The following CSF2RA variants were observed in gnomAD, a reference collection of about 807,000 sequenced individuals.
CSF2RA encodes the protein colony stimulating factor 2 receptor subunit alpha.
Under a neutral mutation model 51.6 loss-of-function variants are expected in CSF2RA, and 42 were observed. The ratio of observed to expected loss-of-function variants is 0.81; its 90% confidence interval spans 0.64 to 1.05. The LOEUF (loss-of-function observed/expected upper bound fraction) is 1.05, where lower values mean the gene tolerates loss of function less well. Ranked by LOEUF, CSF2RA falls within the 50% of genes least tolerant of loss-of-function variation. The pLI, the probability that CSF2RA is intolerant of heterozygous loss-of-function variation, is 0.00. For missense variants in CSF2RA, 530 were observed against 501.1 expected (o/e 1.06, Z -0.55); for synonymous variants, 222 against 193.0 (o/e 1.15, Z -1.24).
At chrX:1,280,742 C>T (rs1246251628) in intron 2 of CSF2RA, among the ~76,000 whole-genome samples, 1 of 150,494 alleles carries the variant, frequency 6.6e-6, no homozygotes, top group African/African-American at 2.4e-5. Context: ...TCCTCCTTCT[C>T]CTCCTCCTTT....
intron 2 of CSF2RA, among the ~76,000 whole-genome samples, chrX:1,279,515 C>G (rs111282553): frequency 0.028 from 4,249 of 151,922 alleles, 98 homozygotes; most frequent in Non-Finnish European, 0.044. Context: ...AGGTCAGGCC[C>G]ACCCAGACAG....
chrX:1,314,876 C>A (rs867760938), downstream of CSF2RA, among the ~76,000 whole-genome samples: 24 of 69,310 alleles, frequency 3.5e-4, 1 homozygote, highest in African/African-American at 7.7e-4. Context: ...AACCGCACTG[C>A]ACCTGCCCAA....
chrX:1,301,955 T>C (rs1461342885), intron 10 of CSF2RA, among the ~76,000 whole-genome samples: 3 of 137,520 alleles, frequency 2.2e-5, no homozygotes, highest in Non-Finnish European at 4.6e-5. Flanking sequence ...TCGCTCTTGT[T>C]GCCCAGGCTG....
At chrX:1,296,270 C>T (rs1367259615) in intron 9 of CSF2RA, among the ~76,000 whole-genome samples, 3 of 149,902 alleles carry the variant, frequency 2.0e-5, no homozygotes, top group Non-Finnish European at 4.5e-5. Context: ...ACCCTACAGT[C>T]TCCTACCCAT....
Position 1,278,532 on chromosome X carries a change from C to T in CSF2RA, c.-27+3714C>T, listed in dbSNP as rs1471246637. ...TGAAACCCCATCTCTACTAAAAATA[C>T]AAAAATTAGCCAGGCGTGTTGGTGC... On this transcript the variant is annotated intron_variant, in intron 2 of 12. Transcript: ENST00000381529. Among the ~76,000 whole-genome samples, 114 of 134,704 alleles carry T rather than the reference C, an allele frequency of 8.5e-4. No individual in the cohort carries two copies. The Middle Eastern group carries it at 0.029, about 34-fold the overall frequency. 88.4% of individuals were successfully genotyped at this position (134,704 alleles called of 152,430 possible).
intron 1 of CSF2RA, among the ~76,000 whole-genome samples, chrX:1,271,516 T>C (rs2088423339): frequency 8.2e-6 from 1 of 122,302 alleles, no homozygotes; most frequent in African/African-American, 2.5e-5. Context: ...ATTTTTGAAT[T>C]TATTTATTTA....
In CSF2RA at chrX:1,304,325, G is replaced by A. The variant is rs1433923342; in HGVS notation, c.1043+306G>A. ...TGAGGCAGGAGAATCGCTTGAACCC[G>A]GGAGGTGGAGGTTGCAGTGAGCCGA... On this transcript the variant is annotated intron_variant, in intron 11 of 12. Transcript: ENST00000381529. Among the ~76,000 whole-genome samples, 26 of 97,190 alleles carry A rather than the reference G, an allele frequency of 2.7e-4. 3 individuals carry two copies. In the South Asian group the frequency reaches 3.5e-3, roughly 13 times the overall value. The allele number at this position is 97,190 out of a possible 152,430, so 63.8% of individuals were successfully genotyped here.
intron 1 of CSF2RA, among the ~76,000 whole-genome samples, chrX:1,272,410 G>A (rs1363606746): frequency 4.0e-5 from 6 of 151,842 alleles, no homozygotes; most frequent in African/African-American, 2.4e-5. Context: ...GGGTTGGGGG[G>A]AAAGAGGAAT....
At chrX:1,314,838 C>T (rs1440441953), downstream of CSF2RA, among the ~76,000 whole-genome samples, 31 of 98,868 alleles carry the variant, frequency 3.1e-4, no homozygotes, top group African/African-American at 4.0e-4. Context: ...AACCGCACTG[C>T]ACCTGCCCAA....
intron 12 of CSF2RA, 141 bp downstream of exon 12, chrX:1,305,668 A>G (rs746753247): frequency 2.5e-6 from 4 of 1,597,482 alleles, no homozygotes; most frequent in Non-Finnish European, 3.4e-6. Flanking sequence ...TGGAATCTGT[A>G]TCCCACTCCT....
intron 7 of CSF2RA, 77 bp downstream of exon 7, chrX:1,290,586 C>T: frequency 7.1e-7 from 1 of 1,413,404 alleles, no homozygotes; most frequent in Admixed American, 1.7e-5. Context: ...TAACTGAGGC[C>T]ACGTGCGGTG....
At chrX:1,278,558 G>A (rs1336274460) in intron 2 of CSF2RA, among the ~76,000 whole-genome samples, 3 of 142,688 alleles carry the variant, frequency 2.1e-5, no homozygotes, top group African/African-American at 2.6e-5. Flanking sequence ...GTGTTGGTGC[G>A]TGCCTGTAGT....
intron 8 of CSF2RA, 130 bp from the exon 9 acceptor site, chrX:1,295,297 A>G: frequency 1.8e-6 from 2 of 1,137,336 alleles, no homozygotes; most frequent in Non-Finnish European, 2.7e-6. Context: ...GTGGAGGGAG[A>G]CCTGCCTGCC....
At chrX:1,289,866 T>G (rs2091194267) in intron 6 of CSF2RA, among the ~76,000 whole-genome samples, 1 of 146,612 alleles carries the variant, frequency 6.8e-6, no homozygotes, top group Non-Finnish European at 1.5e-5. Flanking sequence ...GTTTTTGTTT[T>G]GTGTTTTGTG....
intron 1 of CSF2RA, among the ~76,000 whole-genome samples, chrX:1,269,492 AGG>A (rs1172963529): frequency 2.6e-5 from 4 of 151,848 alleles, no homozygotes; most frequent in Non-Finnish European, 4.4e-5. Flanking sequence ...TGGTGGTGGC[AGG>A]CACCTGTAAT....
At chrX:1,281,190 CT>C (rs2148208235) in intron 2 of CSF2RA, among the ~76,000 whole-genome samples, 1 of 86,212 alleles carries the variant, frequency 1.2e-5, no homozygotes, top group East Asian at 6.1e-4. Context: ...CCTTCTCCTT[CT>C]CCTCCTTCTC....
At chrX:1,311,248 C>T (rs1253875914), downstream of CSF2RA, among the ~76,000 whole-genome samples, 2 of 127,966 alleles carry the variant, frequency 1.6e-5, no homozygotes, top group African/African-American at 7.3e-5. Flanking sequence ...GATTCTGTCT[C>T]CAAAAAAAAA....
chrX:1,303,880 C>T (rs371578813), intron 10 of CSF2RA, 43 bp from the exon 11 acceptor site: 49 of 1,478,612 alleles, frequency 3.3e-5, no homozygotes, highest in Admixed American at 3.3e-5. Context: ...TTCACATGTC[C>T]GTCAACGATT....
downstream of CSF2RA, among the ~76,000 whole-genome samples, chrX:1,314,981 A>ACCGCAC (rs1569515172): frequency 8.9e-6 from 1 of 112,510 alleles, no homozygotes; most frequent in African/African-American, 3.3e-5. Context: ...TGCCTGCCCA[A>ACCGCAC]TCGCACTGCA....
Sources: allele counts gnomAD v4.1 joint callset (sites outside exome capture counted in the v4.1 genomes callset), GRCh38; gene constraint gnomAD v4.1.1; transcripts MANE v1.5; gene names NCBI Gene and HGNC (gene_info 2026-07-23, HGNC 2026-07-21).